FGF14: variants seen among roughly 807,000 people sequenced by gnomAD.
FGF14 encodes fibroblast growth factor 14, also known as fibroblast growth factor homologous factor 4.
Under a neutral mutation model 25.5 loss-of-function variants are expected in FGF14, and 5 were observed. The ratio of observed to expected loss-of-function variants is 0.20; its 90% CI spans 0.10 to 0.41. The LOEUF (loss-of-function observed/expected upper bound fraction) is 0.41, where lower values mean the gene tolerates loss of function less well. Among genes scored for constraint, FGF14 ranks in the 10% least tolerant of loss-of-function variants. FGF14 has a pLI of 1.00. For missense variants in FGF14, 222 were observed against 320.1 expected (o/e 0.69, Z 2.34); for synonymous variants, 138 against 118.3 (o/e 1.17, Z -1.08).
intron 3 of FGF14, among the ~76,000 whole-genome samples, chr13:101,830,209 C>G (rs960524593): frequency 1.8e-4 from 27 of 152,176 alleles, no homozygotes; most frequent in African/African-American, 6.0e-4. Flanking sequence ...TAGTAGCAAC[C>G]ATTTGATTTT....
At chr13:102,217,124 G>T (rs1420705971) in intron 1 of FGF14, among the ~76,000 whole-genome samples, 1 of 152,140 alleles carries the variant, frequency 6.6e-6, no homozygotes, top group Non-Finnish European at 1.5e-5. Flanking sequence ...CAGGAGTGCA[G>T]GTATCTTTTT....
In FGF14 at chr13:102,105,349, T is replaced by C. The variant is rs150748852; in HGVS notation, c.209-230053A>G. On this transcript the variant is annotated intron_variant, in intron 1 of 4. Coordinates refer to the FGF14 transcript ENST00000376131. The stretch of plus-strand genomic sequence containing the variant: ...AGAGAAATAATTAGGCATTTTTCCC[T>C]GATTATTTAATTGACCATGGTTGAC... 2.2e-3 allele frequency among the ~76,000 whole-genome samples: 339 copies of C among 152,368 alleles called. 2 individuals carry two copies. Among genetic ancestry groups the C allele is most frequent in the African/African-American group, 7.7e-3 (319 of 41,594 alleles).
chr13:102,376,571 T>C (rs1297814991), intron 1 of FGF14, among the ~76,000 whole-genome samples: 2 of 152,180 alleles, frequency 1.3e-5, no homozygotes, highest in African/African-American at 4.8e-5. Flanking sequence ...GTGAGTAGTA[T>C]ACACAATGGT....
intron 1 of FGF14, among the ~76,000 whole-genome samples, chr13:102,214,254 A>T (rs1385365018): frequency 1.3e-5 from 2 of 152,208 alleles, no homozygotes; most frequent in African/African-American, 4.8e-5. Context: ...TTCCTTTGCC[A>T]TTAATTACTT....
intron 2 of FGF14, among the ~76,000 whole-genome samples, chr13:101,874,257 T>G (rs907322685): frequency 6.6e-6 from 1 of 152,154 alleles, no homozygotes; most frequent in Non-Finnish European, 1.5e-5. Flanking sequence ...GATTTGATTA[T>G]GTGTATTATT....
intron 1 of FGF14, among the ~76,000 whole-genome samples, chr13:102,197,794 C>CA: frequency 6.6e-6 from 1 of 152,104 alleles, no homozygotes; most frequent in African/African-American, 2.4e-5. Context: ...ACAGCCCATC[C>CA]AAAATAGTTT....
chr13:102,311,008 T>A (rs1026545442), intron 1 of FGF14, among the ~76,000 whole-genome samples: 1 of 152,004 alleles, frequency 6.6e-6, no homozygotes, highest in Non-Finnish European at 1.5e-5. Flanking sequence ...GTGTCCCATA[T>A]GGCCCACTTG....
In FGF14 at chr13:101,715,488, T is replaced by C; in HGVS notation, c.*7343A>G. 1.3e-5 allele frequency: 13 copies of C among 986,408 alleles called. No individual in the cohort carries two copies. In the South Asian group the frequency reaches 1.7e-4, roughly 13 times the overall value. The allele number at this position is 986,408 out of a possible 1,614,324, so 61.1% of individuals were successfully genotyped here. A position where few individuals can be genotyped will look rare whatever the true frequency, so the allele number is the denominator to read the frequency against. ...ATGAAATGATTTCATTGTGGACACTTGTGATTTATAATAGCATGTTTAAAT... is the reference window on the plus strand; with the variant it reads ...ATGAAATGATTTCATTGTGGACACTCGTGATTTATAATAGCATGTTTAAAT... On this transcript the variant is annotated 3_prime_UTR_variant, in exon 5 of 5. Transcript: ENST00000376143.
Position 102,292,278 on chromosome 13 carries a change from C to CAAAAAAA in FGF14, c.208+109186_208+109192dup, listed in dbSNP as rs10593906. 4.5e-4 allele frequency: 30 copies of CAAAAAAA among 66,782 alleles called. 2 individuals carry two copies. Among genetic ancestry groups the CAAAAAAA allele is most frequent in the African/African-American group, 1.2e-3 (20 of 16,468 alleles). The allele number at this position is 66,782 out of a possible 1,614,324, so 4.1% of individuals were successfully genotyped here. ...ATATTTCCTACCTTATACTCTATAG[C>CAAAAAAA]AAAAAAAAAAAAAAAAAAAAAAAAA... is the stretch of plus-strand genomic sequence containing the variant. On this transcript the variant is annotated intron_variant, in intron 1 of 4. Coordinates refer to the FGF14 transcript ENST00000376131.
intron 1 of FGF14, among the ~76,000 whole-genome samples, chr13:102,052,962 G>C (rs1490975450): frequency 6.6e-6 from 1 of 151,982 alleles, no homozygotes; most frequent in Non-Finnish European, 1.5e-5. Flanking sequence ...AATACCAAGA[G>C]CTACAATAAT....
At chr13:102,114,640 A>G (rs967784149) in intron 1 of FGF14, among the ~76,000 whole-genome samples, 4 of 152,248 alleles carry the variant, frequency 2.6e-5, no homozygotes, top group African/African-American at 9.6e-5. Context: ...TATACAATGG[A>G]ATACCATTCG....
chr13:102,386,572 G>A (rs367833957), intron 1 of FGF14, among the ~76,000 whole-genome samples: 41 of 152,260 alleles, frequency 2.7e-4, no homozygotes, highest in African/African-American at 9.1e-4. Flanking sequence ...ATCAAGATAC[G>A]CTGACATAAT....
At chr13:101,787,396 G>C (rs2039901167) in intron 3 of FGF14, among the ~76,000 whole-genome samples, 1 of 152,124 alleles carries the variant, frequency 6.6e-6, no homozygotes, top group African/African-American at 2.4e-5. Context: ...AAACCAGCTA[G>C]TTTCCATTCC....
At chr13:101,860,580 C>T (rs539750278) in intron 3 of FGF14, among the ~76,000 whole-genome samples, 1 of 151,996 alleles carries the variant, frequency 6.6e-6, no homozygotes, top group East Asian at 2.0e-4. Flanking sequence ...ATTATGATTC[C>T]TTTTTTGATT....
intron 1 of FGF14, among the ~76,000 whole-genome samples, chr13:102,196,416 G>GA (rs1022315550): frequency 3.3e-5 from 5 of 151,838 alleles, no homozygotes; most frequent in Admixed American, 6.6e-5. Flanking sequence ...CCTCAGGAAA[G>GA]AAAAAAAAAT....
At position 101,881,189 on chromosome 13, in the gene FGF14, C is replaced by T. The variant is rs544678212; in HGVS notation, c.194-5893G>A. ...TTGGGATTCCTAGCCCAGGGTTGAA[C>T]TCTCACTAGCTTTTTGAATATCCAG... On this transcript the variant is annotated intron_variant, in intron 1 of 4. Coordinates refer to ENST00000376143, the MANE Select transcript of FGF14 (RefSeq NM_004115.4). Among the ~76,000 whole-genome samples, 140 of 152,286 alleles carry T rather than the reference C, an allele frequency of 9.2e-4. 1 individual carries two copies. Among genetic ancestry groups the T allele is most frequent in the African/African-American group, 3.2e-3 (135 of 41,562 alleles).
chr13:102,227,136 T>C (rs546376449), intron 1 of FGF14, among the ~76,000 whole-genome samples: 2 of 152,292 alleles, frequency 1.3e-5, no homozygotes, highest in South Asian at 2.1e-4. Context: ...AAATAAAGCC[T>C]ATATTATTAT....
rs116354826 is a variant in FGF14, at chr13:101,937,101, C to T, written c.209-61805G>A. On this transcript the variant is annotated intron_variant, in intron 1 of 4. Transcript: ENST00000376131. Reference sequence around the variant, plus strand: ...CAGCATCCCCAAGCCTGCCTCAGCCCTAAAGGACATTCCAGACTTGAAACC... The same window carrying T: ...CAGCATCCCCAAGCCTGCCTCAGCCTTAAAGGACATTCCAGACTTGAAACC... Among the ~76,000 whole-genome samples, 816 of 152,268 alleles carry T rather than the reference C, an allele frequency of 5.4e-3. 9 individuals carry two copies. Among genetic ancestry groups the T allele is most frequent in the African/African-American group, 0.018 (758 of 41,534 alleles).
intron 1 of FGF14, among the ~76,000 whole-genome samples, chr13:101,928,319 T>C (rs1039225823): frequency 3.3e-5 from 5 of 152,180 alleles, no homozygotes; most frequent in Non-Finnish European, 5.9e-5. Flanking sequence ...CGAGGACCAT[T>C]TTTTATTCAA....
Sources: allele counts gnomAD v4.1 joint callset (sites outside exome capture counted in the v4.1 genomes callset), GRCh38; gene constraint gnomAD v4.1.1; transcripts MANE v1.5; gene names NCBI Gene and HGNC (gene_info 2026-07-23, HGNC 2026-07-21).